The following TPD52 variants were observed in gnomAD, a reference collection of about 807,000 sequenced individuals.
TPD52 encodes prostate and colon associated protein.
A neutral mutation model predicts 31.3 loss-of-function variants in TPD52; 17 were observed. That is an observed-to-expected ratio of 0.54 (90% CI 0.37 to 0.82). TPD52 has a LOEUF of 0.82. Among genes scored for constraint, TPD52 ranks in the 40% least tolerant of loss-of-function variants. The probability of loss-of-function intolerance (pLI) is 0.00; values close to 1 mark genes in which losing one functional copy is unlikely to be tolerated. For missense variants in TPD52, 212 were observed against 240.1 expected (o/e 0.88, Z 0.77); for synonymous variants, 83 against 89.6 (o/e 0.93, Z 0.42).
intron 1 of TPD52, among the ~76,000 whole-genome samples, chr8:80,094,015 G>T (rs540700820): frequency 6.6e-6 from 1 of 152,250 alleles, no homozygotes; most frequent in Non-Finnish European, 1.5e-5. Context: ...CATAATAACT[G>T]CTGTATTAAT....
chr8:80,043,049 C>T (rs77565772), intron 6 of TPD52: 5,416 of 162,726 alleles, frequency 0.033, 137 homozygotes, highest in African/African-American at 0.07. Context: ...TAAGGTACTA[C>T]GCTCTAAAAT....
In TPD52 at chr8:80,107,597, T is replaced by G. The variant is rs189491803; in HGVS notation, c.20-43004A>C. ...TTGTGTGTGTGTGTGTCTATATATA[T>G]ACACACACATATGTGATATTTTCAG... On this transcript the variant is annotated intron_variant, in intron 1 of 7. Transcript: ENST00000518937. 3.3e-3 allele frequency among the ~76,000 whole-genome samples: 504 copies of G among 152,304 alleles called. 10 individuals are homozygous for G. Among genetic ancestry groups the G allele is most frequent in the Non-Finnish European group, 1.6e-3 (106 of 68,012 alleles).
intron 4 of TPD52, among the ~76,000 whole-genome samples, 169 bp from the exon 5 acceptor site, chr8:80,050,640 A>G (rs984453460): frequency 6.6e-6 from 1 of 152,198 alleles, no homozygotes; most frequent in South Asian, 2.1e-4. Context: ...CATAATTGTC[A>G]AAAGAGTTCA....
chr8:80,132,677 T>C (rs1809103765), intron 1 of TPD52, among the ~76,000 whole-genome samples: 1 of 152,062 alleles, frequency 6.6e-6, no homozygotes, highest in Admixed American at 6.6e-5. Context: ...ACTTCTTGGG[T>C]TTACAACATA....
At chr8:80,110,593 A>G (rs1233547915) in intron 1 of TPD52, among the ~76,000 whole-genome samples, 1 of 45,534 alleles carries the variant, frequency 2.2e-5, no homozygotes, top group African/African-American at 6.6e-5. Flanking sequence ...TAAATAAATG[A>G]AAAAAAAAAA....
intron 1 of TPD52, among the ~76,000 whole-genome samples, chr8:80,092,202 C>G (rs1411158423): frequency 6.6e-6 from 1 of 152,126 alleles, no homozygotes; most frequent in East Asian, 1.9e-4. Flanking sequence ...ATTTTGAAAT[C>G]TACAATACAT....
chr8:80,081,379 C>CTTATTTATTTCT (rs1456224831), intron 1 of TPD52, among the ~76,000 whole-genome samples: 4 of 152,126 alleles, frequency 2.6e-5, no homozygotes, highest in African/African-American at 7.2e-5. Context: ...AATTTATTTC[C>CTTATTTATTTCT]TTTAACACAG....
intron 1 of TPD52, among the ~76,000 whole-genome samples, chr8:80,088,575 G>A (rs1409417362): frequency 6.6e-6 from 1 of 151,974 alleles, no homozygotes; most frequent in African/African-American, 2.4e-5. Flanking sequence ...TCTCACCCCT[G>A]TCTGAAGCTG....
At chr8:80,034,240 T>C (rs115783691), downstream of TPD52, among the ~76,000 whole-genome samples, 862 of 152,226 alleles carry the variant, frequency 5.7e-3, 11 homozygotes, top group African/African-American at 0.02. Flanking sequence ...CTTCCAGGCC[T>C]GCATGGGCAG....
rs35841969 is a variant in TPD52, at chr8:80,095,946, C to CTACATACATACATACA, written c.20-31369_20-31354dup. Among the ~76,000 whole-genome samples, 1,180 of 150,488 alleles carry CTACATACATACATACA rather than the reference C, an allele frequency of 7.8e-3. 22 individuals carry two copies. Among genetic ancestry groups the CTACATACATACATACA allele is most frequent in the African/African-American group, 0.028 (1,129 of 40,876 alleles). On this transcript the variant is annotated intron_variant, in intron 1 of 7. Coordinates refer to ENST00000518937, the MANE Select transcript of TPD52 (RefSeq NM_001025253.3). ...CTGGCAACAGAGTGAGACTCCATCT[C>CTACATACATACATACA]TACATACATACATACATACATACTA... is the stretch of plus-strand genomic sequence containing the variant.
At chr8:80,098,654 C>T (rs1212330751) in intron 1 of TPD52, among the ~76,000 whole-genome samples, 1 of 152,196 alleles carries the variant, frequency 6.6e-6, no homozygotes, top group Non-Finnish European at 1.5e-5. Context: ...GAAATCTACT[C>T]CTGGTGAAGA....
intron 1 of TPD52, among the ~76,000 whole-genome samples, chr8:80,105,803 C>A (rs1337542797): frequency 1.4e-5 from 2 of 147,288 alleles, no homozygotes; most frequent in Admixed American, 6.9e-5. Context: ...GCAATCTTGG[C>A]TCAATGCAAC....
chr8:80,136,663 C>A (rs1173701463), intron 1 of TPD52, among the ~76,000 whole-genome samples: 1 of 151,738 alleles, frequency 6.6e-6, no homozygotes, highest in African/African-American at 2.4e-5. Context: ...AGTAAAAGGT[C>A]CCAAGAAACA....
At chr8:80,082,110 T>C (rs943731603) in intron 1 of TPD52, among the ~76,000 whole-genome samples, 1 of 149,318 alleles carries the variant, frequency 6.7e-6, no homozygotes, top group African/African-American at 2.5e-5. Flanking sequence ...GCCCGGACTA[T>C]GGTAAGTCTT....
intron 1 of TPD52, chr8:80,067,043 T>A (rs1455242822): frequency 6.6e-6 from 1 of 152,238 alleles, no homozygotes; most frequent in Admixed American, 6.5e-5. Flanking sequence ...TGATACACAC[T>A]GTTTTGCAAA....
In TPD52 at chr8:80,064,522, G is replaced by A. The variant is rs1440998419; in HGVS notation, c.91C>T (p.Leu31Phe). The A allele has an allele frequency of 2.5e-6, 4 of 1,614,168 alleles. No individual in the cohort carries two copies. In the Admixed American group the frequency reaches 6.7e-5, roughly 27 times the overall value. ...AGCTCTTCCTGCTCCTCTTCCGAGA[G>A]GGTCTCTGTGGCACTGATCGTGGCA... is the stretch of plus-strand genomic sequence containing the variant. ...VAATISATET[L>F]SEEEQEELRR... Residue 31 changes from leucine to phenylalanine, a missense_variant, in exon 2 of 8, where the codon CTC becomes TTC. Transcript: ENST00000518937.
intron 1 of TPD52, among the ~76,000 whole-genome samples, chr8:80,102,670 A>C (rs1402849717): frequency 6.6e-6 from 1 of 152,158 alleles, no homozygotes; most frequent in African/African-American, 2.4e-5. Context: ...AAATCTTTGG[A>C]ATCTCCAGAG....
At chr8:80,058,570 G>A (rs1812153188) in intron 2 of TPD52, among the ~76,000 whole-genome samples, 1 of 152,228 alleles carries the variant, frequency 6.6e-6, no homozygotes, top group Non-Finnish European at 1.5e-5. Flanking sequence ...GGCCAAGGCA[G>A]GTGGATCACC....
chr8:80,085,383 T>C (rs1815660671), intron 1 of TPD52, among the ~76,000 whole-genome samples: 2 of 152,234 alleles, frequency 1.3e-5, no homozygotes, highest in African/African-American at 4.8e-5. Context: ...CACTCAAATA[T>C]GTCAGTGTAA....
Sources: gnomAD v4.1 joint callset for allele counts (sites outside exome capture counted in the v4.1 genomes callset) on GRCh38, gnomAD v4.1.1 for gene constraint, MANE v1.5 for transcripts, NCBI Gene and HGNC (gene_info 2026-07-23, HGNC 2026-07-21) for gene names.